The following SNTG1 variants were observed in gnomAD, a reference collection of about 807,000 sequenced individuals.
The protein encoded by SNTG1 is gamma-1-syntrophin.
Under a neutral mutation model 74.7 loss-of-function variants are expected in SNTG1, and 39 were observed. That is an observed-to-expected ratio of 0.52 (90% confidence interval 0.40 to 0.68). SNTG1 has a LOEUF of 0.68. SNTG1 is among the 30% of genes least tolerant of loss of function. SNTG1 has a pLI of 0.00. For missense variants in SNTG1, 685 were observed against 609.5 expected (o/e 1.12, Z -1.30); for synonymous variants, 254 against 217.1 (o/e 1.17, Z -1.49).
chr8:50,738,376 A>G (rs918635206), intron 17 of SNTG1, among the ~76,000 whole-genome samples: 9 of 152,196 alleles, frequency 5.9e-5, no homozygotes, highest in Admixed American at 2.6e-4. Flanking sequence ...CTCTTCAAAG[A>G]GAACTAGAAA....
At chr8:49,930,383 C>G (rs1270723361) in intron 1 of SNTG1, among the ~76,000 whole-genome samples, 3 of 151,934 alleles carry the variant, frequency 2.0e-5, no homozygotes, top group Non-Finnish European at 4.4e-5. Flanking sequence ...ACTATAACCT[C>G]AATATATAGA....
chr8:50,157,630 C>G (rs2082293180), intron 1 of SNTG1, among the ~76,000 whole-genome samples: 1 of 152,018 alleles, frequency 6.6e-6, no homozygotes, highest in Admixed American at 6.6e-5. Context: ...CCCGAGCTTG[C>G]AGATAAGGTA....
chr8:50,407,984 G>T (rs1029484921), intron 4 of SNTG1, among the ~76,000 whole-genome samples: 3 of 152,144 alleles, frequency 2.0e-5, no homozygotes, highest in African/African-American at 7.2e-5. Flanking sequence ...TCAAAGACCA[G>T]GCTGAGGTTT....
intron 1 of SNTG1, among the ~76,000 whole-genome samples, chr8:50,073,284 A>G (rs562884727): frequency 2.6e-5 from 4 of 152,206 alleles, no homozygotes; most frequent in Non-Finnish European, 5.9e-5. Flanking sequence ...CCATCTTGAG[A>G]AACCACACTT....
intron 1 of SNTG1, among the ~76,000 whole-genome samples, chr8:49,953,683 A>G (rs1809920874): frequency 6.6e-6 from 1 of 152,220 alleles, no homozygotes. Context: ...GTTACCTGAG[A>G]CACTGGAAAT....
intron 2 of SNTG1, among the ~76,000 whole-genome samples, chr8:50,302,406 C>A (rs1273279638): frequency 6.6e-6 from 1 of 152,032 alleles, no homozygotes; most frequent in Non-Finnish European, 1.5e-5. Flanking sequence ...TTTGACAATG[C>A]TCTGGTTAAA....
At chr8:50,669,330 T>G (rs1010842367) in intron 15 of SNTG1, among the ~76,000 whole-genome samples, 1 of 151,892 alleles carries the variant, frequency 6.6e-6, no homozygotes, top group African/African-American at 2.4e-5. Flanking sequence ...AAGAATCAAA[T>G]AGACGCAATA....
chr8:50,067,362 A>T (rs926193488), intron 1 of SNTG1, among the ~76,000 whole-genome samples: 1 of 152,190 alleles, frequency 6.6e-6, no homozygotes, highest in Non-Finnish European at 1.5e-5. Flanking sequence ...AACCTAATTT[A>T]ACTTTAGATT....
At chr8:49,921,022 A>T (rs1172018333) in intron 1 of SNTG1, among the ~76,000 whole-genome samples, 1 of 152,094 alleles carries the variant, frequency 6.6e-6, no homozygotes, top group Non-Finnish European at 1.5e-5. Context: ...CAAATGGATA[A>T]TGAGAGGACA....
intron 1 of SNTG1, among the ~76,000 whole-genome samples, chr8:50,139,889 G>A (rs2081599298): frequency 6.6e-6 from 1 of 152,224 alleles, no homozygotes; most frequent in Non-Finnish European, 1.5e-5. Context: ...TCTTAGTGAT[G>A]AGTAAACTCA....
intron 2 of SNTG1, among the ~76,000 whole-genome samples, chr8:50,180,978 G>T (rs1443588571): frequency 3.9e-5 from 6 of 151,944 alleles, no homozygotes; most frequent in African/African-American, 1.5e-4. Context: ...TGGCCAGTCT[G>T]GTCTCGAACT....
chr8:50,704,864 A>G, intron 16 of SNTG1, 112 bp downstream of exon 16: 2 of 1,253,308 alleles, frequency 1.6e-6, no homozygotes, highest in Non-Finnish European at 2.2e-6. Context: ...GGGAATCTTG[A>G]CCTCATATAC....
intron 1 of SNTG1, among the ~76,000 whole-genome samples, chr8:49,971,409 C>A (rs1207826975): frequency 4.6e-5 from 7 of 152,174 alleles, no homozygotes; most frequent in African/African-American, 1.7e-4. Flanking sequence ...CAGCCAATAT[C>A]ATACTGAATG....
chr8:50,773,128 T>C (rs1013949407), intron 18 of SNTG1, among the ~76,000 whole-genome samples: 3 of 152,148 alleles, frequency 2.0e-5, no homozygotes, highest in African/African-American at 7.2e-5. Flanking sequence ...TTACTTGACC[T>C]CACTCAGACC....
chr8:50,056,999 T>C (rs972290825), intron 1 of SNTG1, among the ~76,000 whole-genome samples: 3 of 152,184 alleles, frequency 2.0e-5, no homozygotes, highest in Non-Finnish European at 4.4e-5. Flanking sequence ...ATATCAAACC[T>C]AAGTATATTG....
intron 18 of SNTG1, among the ~76,000 whole-genome samples, chr8:50,767,505 A>C (rs2095616703): frequency 6.6e-6 from 1 of 152,016 alleles, no homozygotes; most frequent in Admixed American, 6.6e-5. Context: ...AGAAAGCTTA[A>C]TAAATTTCCC....
intron 1 of SNTG1, among the ~76,000 whole-genome samples, chr8:49,950,692 TG>T (rs1203120246): frequency 6.6e-6 from 1 of 152,120 alleles, no homozygotes; most frequent in East Asian, 1.9e-4. Context: ...AGTAATATGT[TG>T]TGTATTTTGC....
intron 2 of SNTG1, among the ~76,000 whole-genome samples, chr8:50,216,696 G>A (rs1232646236): frequency 3.3e-5 from 5 of 152,184 alleles, no homozygotes; most frequent in East Asian, 3.9e-4. Context: ...ACCATGGATC[G>A]TGCTATTTGA....
At position 50,009,551 on chromosome 8, in the gene SNTG1, C is replaced by A. The variant is rs958544952; in HGVS notation, c.-103+97320C>A. 5.3e-5 allele frequency among the ~76,000 whole-genome samples: 8 copies of A among 152,108 alleles called. 1 individual carries two copies. The highest frequency in any genetic ancestry group is 4.1e-4 in the South Asian group (2 of 4,826). On this transcript the variant is annotated intron_variant, in intron 1 of 18. Transcript: ENST00000642720. ...TTTCATACATTCTAGGGTCTGAGAA[C>A]AAGTTCTTGTCATAGCCATTGTTTC...
Sources: gnomAD v4.1 joint callset for allele counts (sites outside exome capture counted in the v4.1 genomes callset) on GRCh38, gnomAD v4.1.1 for gene constraint, MANE v1.5 for transcripts, NCBI Gene and HGNC (gene_info 2026-07-23, HGNC 2026-07-21) for gene names.